The following ZNF410 variants were observed in gnomAD, a reference collection of about 807,000 sequenced individuals.
ZNF410 encodes another partner for ARF 1.
ZNF410 carries 18 observed loss-of-function variants against 54.8 expected under a neutral mutation model. The observed-to-expected ratio is 0.33, with a 90% CI of 0.23 to 0.49. The LOEUF (loss-of-function observed/expected upper bound fraction) is 0.49, where lower values mean the gene tolerates loss of function less well. Among genes scored for constraint, ZNF410 ranks in the 20% least tolerant of loss-of-function variants. The pLI is 0.99. For missense variants in ZNF410, 405 were observed against 569.6 expected (o/e 0.71, Z 2.94); for synonymous variants, 191 against 207.3 (o/e 0.92, Z 0.68).
chr14:73,910,753 CAAAAA>C lies in ZNF410; in HGVS notation c.1003+1339_1003+1343del, dbSNP rs755623044. On this transcript the variant is annotated intron_variant, in intron 8 of 11. Coordinates refer to ENST00000555044, the MANE Select transcript of ZNF410 (RefSeq NM_021188.3). ...GGGCAACAAGAGCGAAACTCCGTCTCAAAAAAAAAAAAAAAAAAAAGCATGGTAGT... is the reference window on the plus strand; with the variant it reads ...GGGCAACAAGAGCGAAACTCCGTCTCAAAAAAAAAAAAAAAGCATGGTAGT... 9.9e-5 allele frequency among the ~76,000 whole-genome samples: 7 copies of C among 70,824 alleles called. No individual in the cohort carries two copies. In the East Asian group the frequency reaches 2.0e-3, roughly 21 times the overall value. 46.5% of individuals were successfully genotyped at this position (70,824 alleles called of 152,430 possible). A position where few individuals can be genotyped will look rare whatever the true frequency, so the allele number is the denominator to read the frequency against.
intron 8 of ZNF410, among the ~76,000 whole-genome samples, chr14:73,911,472 T>C (rs1314931556): frequency 6.6e-6 from 1 of 152,148 alleles, no homozygotes; most frequent in Admixed American, 6.5e-5. Flanking sequence ...ATCTTAGAAG[T>C]AGAGCAGTTT....
intron 8 of ZNF410, 21 bp downstream of exon 8, chr14:73,909,451 C>A: frequency 6.2e-7 from 1 of 1,601,558 alleles, no homozygotes; most frequent in Non-Finnish European, 8.5e-7. Context: ...CTCTGCCATT[C>A]ATAGATTTTA....
At chr14:73,927,141 A>G in intron 11 of ZNF410, 1 of 213,042 alleles carries the variant, frequency 4.7e-6, no homozygotes, top group Admixed American at 5.2e-5. Context: ...GCTGGAGTGC[A>G]GTGGCACCAT....
In ZNF410 at chr14:73,911,140, T is replaced by A. The variant is rs567973868; in HGVS notation, c.1003+1710T>A. On this transcript the variant is annotated intron_variant, in intron 8 of 11. Coordinates refer to ENST00000555044, the MANE Select transcript of ZNF410 (RefSeq NM_021188.3). Reference sequence around the variant, plus strand: ...AGCTGAGAGTAAGTAGCATAACTTTTTTTAGTAGACCTGTTCAGATTTTAT... The same window carrying A: ...AGCTGAGAGTAAGTAGCATAACTTTATTTAGTAGACCTGTTCAGATTTTAT... Among the ~76,000 whole-genome samples the A allele has an allele frequency of 5.9e-5, 9 of 152,280 alleles. No individual in the cohort carries two copies. The South Asian group carries it at 8.3e-4, about 14-fold the overall frequency.
Position 73,911,209 on chromosome 14 carries a change from G to A in ZNF410, c.1003+1779G>A, listed in dbSNP as rs188692954. On this transcript the variant is annotated intron_variant, in intron 8 of 11. Transcript: ENST00000555044. ...CTTAACAGTTTAAAAGCTGGGTACT[G>A]GAGAAAATAGGTGATGGAGGTTAAT... Among the ~76,000 whole-genome samples, 511 of 152,294 alleles carry A rather than the reference G, an allele frequency of 3.4e-3. 7 individuals carry two copies. Among genetic ancestry groups the A allele is most frequent in the African/African-American group, 0.011 (476 of 41,576 alleles).
chr14:73,900,993 T>G (rs2055397785), intron 5 of ZNF410, among the ~76,000 whole-genome samples: 1 of 152,248 alleles, frequency 6.6e-6, no homozygotes, highest in South Asian at 2.1e-4. Context: ...AATATTTTAA[T>G]GCATTTTTAA....
rs2055916170 is a variant in ZNF410 at position 73,931,572 on chromosome 14, C to G, written c.*31C>G. The G allele has an allele frequency of 1.1e-5, 17 of 1,605,538 alleles. No individual in the cohort carries two copies. Among genetic ancestry groups the G allele is most frequent in the African/African-American group, 1.3e-5 (1 of 74,636 alleles). ...GGTGCTGACTCCTGGAAGAGCAACT[C>G]TATCTGATCTCAAAATGCGTATACT... On this transcript the variant is annotated 3_prime_UTR_variant, in exon 12 of 12. Transcript: ENST00000555044.
chr14:73,921,580 CA>C (rs1259991461), intron 9 of ZNF410, among the ~76,000 whole-genome samples: 1 of 152,168 alleles, frequency 6.6e-6, no homozygotes, highest in Non-Finnish European at 1.5e-5. Context: ...TGGGTTCAAG[CA>C]GTTTTCCTGC....
intron 5 of ZNF410, among the ~76,000 whole-genome samples, chr14:73,901,843 A>G (rs1594750958): frequency 6.6e-6 from 1 of 151,138 alleles, no homozygotes; most frequent in Non-Finnish European, 1.5e-5. Flanking sequence ...CTGAGGTGGG[A>G]GGATCTCCTG....
In ZNF410 at chr14:73,898,077, G is replaced by T; in HGVS notation, c.395G>T (p.Gly132Val). The T allele has an allele frequency of 6.2e-7, 1 of 1,612,332 alleles. No individual in the cohort carries two copies. The highest frequency in any genetic ancestry group is 8.5e-7 in the Non-Finnish European group (1 of 1,178,780). The change falls in exon 5 of 12, where the codon GGC (glycine) becomes GTC (valine). Residue 132 changes from glycine (G) to valine (V), a missense_variant. Physicochemically the swap from Gly to Val is moderately radical, Grantham distance 109. This residue lies in a region of ZNF410 where 247 missense variants were observed against 342.8 expected (regional missense o/e 0.72). Coordinates refer to ENST00000555044, the MANE Select transcript of ZNF410 (RefSeq NM_021188.3). ...ILLNLTRAGL[G>V]SSAEHLVFVQ... ...TATATTTTGTTTCTTCCAGGTCTGG[G>T]CTCTTCAGCTGAGCACTTAGTGTTT...
intron 5 of ZNF410, chr14:73,903,654 T>TTTTG (rs1030826486): frequency 6.6e-5 from 20 of 302,796 alleles, no homozygotes; most frequent in African/African-American, 2.2e-4. Flanking sequence ...CCTGTCTAAT[T>TTTTG]TTTGTTTGTT....
intron 7 of ZNF410, among the ~76,000 whole-genome samples, chr14:73,909,080 A>T (rs1208772736): frequency 6.6e-6 from 1 of 152,092 alleles, no homozygotes; most frequent in East Asian, 1.9e-4. Flanking sequence ...GGTTAATGCA[A>T]CTCTCCAGCT....
At chr14:73,890,192 C>CTT (rs35969764) in intron 1 of ZNF410, among the ~76,000 whole-genome samples, 8 of 134,886 alleles carry the variant, frequency 5.9e-5, no homozygotes, top group Non-Finnish European at 1.3e-4. Context: ...TATTCAGTTA[C>CTT]TTTTTTTTTT....
chr14:73,924,177 C>T (rs992704490), intron 11 of ZNF410, among the ~76,000 whole-genome samples: 11 of 152,298 alleles, frequency 7.2e-5, no homozygotes, highest in Admixed American at 2.6e-4. Context: ...GGACCGGTTT[C>T]GTTTCACCTC....
chr14:73,905,336 CCTT>C, intron 7 of ZNF410: 2 of 366,732 alleles, frequency 5.5e-6, no homozygotes, highest in Non-Finnish European at 9.8e-6. Flanking sequence ...AGCTGTAAGA[CCTT>C]CTCAGACAAC....
At chr14:73,905,968 CATAT>C (rs375039083) in intron 7 of ZNF410, among the ~76,000 whole-genome samples, 26,323 of 78,274 alleles carry the variant, frequency 0.34, 2,910 homozygotes, top group Admixed American at 0.43. Flanking sequence ...CACACACACA[CATAT>C]ATATATATAT....
chr14:73,931,287 G>T (rs1594772702), intron 11 of ZNF410, among the ~76,000 whole-genome samples: 1 of 152,198 alleles, frequency 6.6e-6, no homozygotes, highest in African/African-American at 2.4e-5. Flanking sequence ...TTGATTGCCA[G>T]AGTTAAAATG....
At chr14:73,913,140 G>A (rs2055610991) in intron 8 of ZNF410, 1 of 151,812 alleles carries the variant, frequency 6.6e-6, no homozygotes, top group African/African-American at 2.4e-5. Context: ...ATAGCTCACT[G>A]AAGCCTTTGA....
At chr14:73,890,958 A>T (rs1201337612) in intron 1 of ZNF410, among the ~76,000 whole-genome samples, 1 of 152,144 alleles carries the variant, frequency 6.6e-6, no homozygotes, top group Admixed American at 6.6e-5. Flanking sequence ...TGGTGAGCTG[A>T]GATCGTGCCA....
Sources: allele counts gnomAD v4.1 joint callset (sites outside exome capture counted in the v4.1 genomes callset), GRCh38; gene constraint gnomAD v4.1.1; regional missense constraint gnomAD v4.1.1; transcripts MANE v1.5; gene names NCBI Gene and HGNC (gene_info 2026-07-23, HGNC 2026-07-21).